Variants in ATF6 observed in about 807,000 individuals in gnomAD.
ATF6 encodes the protein cyclic AMP-dependent transcription factor ATF-6 alpha.
In ATF6, 53 loss-of-function variants were observed where a neutral mutation model predicts 83.6. The observed-to-expected ratio is 0.63, with a 90% CI of 0.51 to 0.80. The LOEUF is 0.80. ATF6 is among the 30% of genes least tolerant of loss of function. ATF6 has a pLI of 0.00. For synonymous variants in ATF6, 288 were observed against 285.8 expected, an observed-to-expected ratio of 1.01 and a Z score of -0.08; for missense variants, 744 against 797.9, an observed-to-expected ratio of 0.93 and a Z score of 0.81.
chr1:161,832,542 G>A (rs1686091524), intron 9 of ATF6, among the ~76,000 whole-genome samples: 1 of 152,168 alleles, frequency 6.6e-6, no homozygotes, highest in Admixed American at 6.5e-5. Flanking sequence ...CTGGAAAATC[G>A]GGTCACTACC....
intron 15 of ATF6, among the ~76,000 whole-genome samples, chr1:161,951,585 G>T (rs979280100): frequency 2.0e-5 from 3 of 152,152 alleles, no homozygotes; most frequent in Admixed American, 2.0e-4. Flanking sequence ...TCTAGTAGGG[G>T]TGACACACAT....
chr1:161,781,127 A>C (rs1010828430), intron 2 of ATF6, among the ~76,000 whole-genome samples: 1 of 152,070 alleles, frequency 6.6e-6, no homozygotes. Context: ...TTACATGAGG[A>C]CTCTGAAATT....
chr1:161,819,279 G>A (rs1438375964), intron 7 of ATF6, among the ~76,000 whole-genome samples: 1 of 152,066 alleles, frequency 6.6e-6, no homozygotes, highest in Non-Finnish European at 1.5e-5. Context: ...TGGTTCTGGG[G>A]CATAGCCATT....
intron 15 of ATF6, among the ~76,000 whole-genome samples, chr1:161,944,907 A>G (rs896410887): frequency 1.3e-5 from 2 of 152,240 alleles, no homozygotes; most frequent in South Asian, 2.1e-4. Context: ...AAGTCAGGCC[A>G]TTGGTTATCC....
chr1:161,803,608 G>T (rs1211499263), intron 7 of ATF6, among the ~76,000 whole-genome samples: 1 of 152,120 alleles, frequency 6.6e-6, no homozygotes, highest in African/African-American at 2.4e-5. Flanking sequence ...AACTGGATTG[G>T]CAAAATGTTG....
intron 7 of ATF6, among the ~76,000 whole-genome samples, chr1:161,809,131 G>A (rs1685382396): frequency 6.6e-6 from 1 of 152,136 alleles, no homozygotes; most frequent in African/African-American, 2.4e-5. Context: ...TGCCATGTTG[G>A]TGTGTTGCAC....
At chr1:161,820,319 G>A (rs913711921) in intron 8 of ATF6, among the ~76,000 whole-genome samples, 1 of 152,084 alleles carries the variant, frequency 6.6e-6, no homozygotes, top group Non-Finnish European at 1.5e-5. Context: ...ACTGAATGGG[G>A]CTTCTTACAC....
chr1:161,814,112 G>C (rs1685547192), intron 7 of ATF6, among the ~76,000 whole-genome samples: 1 of 152,124 alleles, frequency 6.6e-6, no homozygotes, highest in Non-Finnish European at 1.5e-5. Context: ...TCGAACTCCT[G>C]ACCTCAGGTG....
At chr1:161,861,831 T>G (rs1161003260) in intron 13 of ATF6, among the ~76,000 whole-genome samples, 1 of 152,310 alleles carries the variant, frequency 6.6e-6, no homozygotes, top group East Asian at 1.9e-4. Context: ...TTTTTGTTGG[T>G]AATTTTGCTG....
Position 161,819,673 on chromosome 1 carries a change from G to A in ATF6, c.950G>A (p.Arg317Gln), listed in dbSNP as rs771933147. 25 of 1,608,936 alleles carry A rather than the reference G, an allele frequency of 1.6e-5. No individual in the cohort carries two copies. The highest frequency in any genetic ancestry group is 1.9e-5 in the Non-Finnish European group (22 of 1,177,874). The change falls in exon 8 of 16, where the codon CGA (arginine) becomes CAA (glutamine). Residue 317 changes from arginine (R) to glutamine (Q), a missense_variant. Coordinates refer to ENST00000367942, the MANE Select transcript of ATF6 (RefSeq NM_007348.4). The part of the protein sequence containing the change: ...LRRQQRMIKN[R>Q]ESACQSRKKK... ...AGACAGCAACGTATGATAAAAAATC[G>A]AGAATCCGCTTGTCAGTCTCGCAAG...
intron 14 of ATF6, among the ~76,000 whole-genome samples, chr1:161,911,000 A>G (rs184365472): frequency 2.0e-4 from 31 of 152,274 alleles, no homozygotes; most frequent in African/African-American, 7.0e-4. Context: ...CATGTATATC[A>G]ATTTCAATTT....
At chr1:161,947,895 G>C (rs1430112598) in intron 15 of ATF6, among the ~76,000 whole-genome samples, 1 of 121,072 alleles carries the variant, frequency 8.3e-6, no homozygotes, top group Non-Finnish European at 1.6e-5. Flanking sequence ...CATGATCTCA[G>C]CTCACTACAA....
chr1:161,867,049 C>T (rs191721926), intron 14 of ATF6, among the ~76,000 whole-genome samples: 253 of 152,234 alleles, frequency 1.7e-3, no homozygotes, highest in Non-Finnish European at 3.2e-3. Flanking sequence ...AATCCCAGCA[C>T]GTTGGGAGGC....
chr1:161,816,416 TTAAAG>T (rs1435185312), intron 7 of ATF6, among the ~76,000 whole-genome samples: 13 of 152,310 alleles, frequency 8.5e-5, no homozygotes, highest in Admixed American at 2.6e-4. Flanking sequence ...AGGCACATAA[TTAAAG>T]TAACCACACA....
chr1:161,921,949 T>C lies in ATF6; in HGVS notation c.1804+9569T>C, dbSNP rs181689841. ...GGCAGCAAGAAATATAGAGTGGGAA[T>C]CTGCAGAGAAAAGAAAGATGAGCCC... is the stretch of plus-strand genomic sequence containing the variant. On this transcript the variant is annotated intron_variant, in intron 15 of 15. Coordinates refer to ENST00000367942, the MANE Select transcript of ATF6 (RefSeq NM_007348.4). Among the ~76,000 whole-genome samples the C allele has an allele frequency of 4.1e-3, 619 of 152,074 alleles. 8 individuals are homozygous for C. The highest frequency in any genetic ancestry group is 0.015 in the African/African-American group (603 of 41,462).
chr1:161,810,973 T>C (rs1685440529), intron 7 of ATF6, among the ~76,000 whole-genome samples: 1 of 152,234 alleles, frequency 6.6e-6, no homozygotes, highest in South Asian at 2.1e-4. Flanking sequence ...TATTCTATTA[T>C]ATGGATATAC....
chr1:161,807,796 G>A (rs1311411525), intron 7 of ATF6, among the ~76,000 whole-genome samples: 2 of 146,798 alleles, frequency 1.4e-5, no homozygotes, highest in Admixed American at 1.3e-4. Flanking sequence ...CATTGCATTA[G>A]GATAAATTTA....
intron 14 of ATF6, among the ~76,000 whole-genome samples, chr1:161,892,672 C>T (rs1405875761): frequency 6.9e-6 from 1 of 145,554 alleles, no homozygotes; most frequent in Non-Finnish European, 1.5e-5. Context: ...CTCTGTCATC[C>T]AGGCTGGAGT....
intron 15 of ATF6, among the ~76,000 whole-genome samples, chr1:161,948,872 G>A (rs1688810967): frequency 6.6e-6 from 1 of 152,224 alleles, no homozygotes; most frequent in African/African-American, 2.4e-5. Flanking sequence ...GTACTCAAAT[G>A]TCTAGGCTTT....
Sources: allele counts gnomAD v4.1 joint callset (sites outside exome capture counted in the v4.1 genomes callset), GRCh38; gene constraint gnomAD v4.1.1; transcripts MANE v1.5; gene names NCBI Gene and HGNC (gene_info 2026-07-23, HGNC 2026-07-21).